ZNF879: variants seen among roughly 807,000 people sequenced by gnomAD.
The protein encoded by ZNF879 is zinc finger protein 879.
In ZNF879, 32 loss-of-function variants were observed where a neutral mutation model predicts 44.3. The observed-to-expected ratio is 0.72, with a 90% CI of 0.54 to 0.97. The LOEUF (loss-of-function observed/expected upper bound fraction) is 0.97. Among genes scored for constraint, ZNF879 ranks in the 50% least tolerant of loss-of-function variants. ZNF879 has a pLI of 0.00. For missense variants in ZNF879, 621 were observed against 669.7 expected, an observed-to-expected ratio of 0.93 and a Z score of 0.80; for synonymous variants, 234 against 233.2, an observed-to-expected ratio of 1.00 and a Z score of -0.03.
intron 4 of ZNF879, among the ~76,000 whole-genome samples, chr5:179,029,353 T>C (rs1383781961): frequency 6.6e-6 from 1 of 152,202 alleles, no homozygotes; most frequent in African/African-American, 2.4e-5. Flanking sequence ...CTCTTTGCTT[T>C]GAAGATTCAG....
Position 179,033,741 on chromosome 5 carries a change from G to A in ZNF879, c.*101G>A. 4.5e-6 allele frequency: 4 copies of A among 893,694 alleles called. No homozygotes were observed. Among genetic ancestry groups the A allele is most frequent in the Non-Finnish European group, 5.0e-6 (3 of 605,658 alleles). The allele number at this position is 893,694 out of a possible 1,614,324, so 55.4% of individuals were successfully genotyped here. On this transcript the variant is annotated 3_prime_UTR_variant, in exon 5 of 5. Coordinates refer to ENST00000444149, the MANE Select transcript of ZNF879 (RefSeq NM_001136116.3). The stretch of plus-strand genomic sequence containing the variant: ...AAGTGATGAAGAGTAGTTAATCATA[G>A]GTAAAACTTCAGCATTAGACCTCAT...
In ZNF879 at chr5:179,034,751, G is replaced by A. The variant is rs1403095140; in HGVS notation, c.*1111G>A. On this transcript the variant is annotated 3_prime_UTR_variant, in exon 5 of 5. Coordinates refer to ENST00000444149, the MANE Select transcript of ZNF879 (RefSeq NM_001136116.3). ...AGCATTTCTAAAATGTGAATCATAA[G>A]ATTAGCAAGCTAAAAACAGTTATCT... 1.3e-5 allele frequency: 2 copies of A among 152,160 alleles called. No homozygotes were observed. Among genetic ancestry groups the A allele is most frequent in the Admixed American group, 1.3e-4 (2 of 15,276 alleles). 9.4% of individuals were successfully genotyped at this position (152,160 alleles called of 1,614,324 possible).
chr5:179,024,925 T>C (rs1479005250), intron 1 of ZNF879, 45 bp from the exon 2 acceptor site: 7 of 1,465,914 alleles, frequency 4.8e-6, no homozygotes, highest in Non-Finnish European at 4.7e-6. Flanking sequence ...AGGGTGGGCA[T>C]GCAGGCTGGA....
intron 4 of ZNF879, among the ~76,000 whole-genome samples, chr5:179,030,305 G>A (rs189031162): frequency 4.6e-5 from 7 of 152,158 alleles, no homozygotes; most frequent in African/African-American, 1.7e-4. Context: ...AATTCCAAGT[G>A]TAGAAATGTT....
At chr5:179,030,413 G>A (rs1175210183) in intron 4 of ZNF879, among the ~76,000 whole-genome samples, 6 of 152,188 alleles carry the variant, frequency 3.9e-5, no homozygotes, top group African/African-American at 1.4e-4. Flanking sequence ...AAGGAGGAGG[G>A]TAAATGACTC....
At chr5:179,026,768 C>A (rs992302356) in intron 2 of ZNF879, among the ~76,000 whole-genome samples, 1 of 152,354 alleles carries the variant, frequency 6.6e-6, no homozygotes, top group East Asian at 1.9e-4. Context: ...GGATTATAGG[C>A]GTAAGCCACT....
chr5:179,031,185 A>G (rs989026109), intron 4 of ZNF879, among the ~76,000 whole-genome samples: 4 of 152,220 alleles, frequency 2.6e-5, no homozygotes, highest in Non-Finnish European at 5.9e-5. Context: ...TATAGCAACC[A>G]GAGTGATCCT....
rs115162208 is a variant in ZNF879 at position 179,029,951 on chromosome 5, C to A, written c.256+1824C>A. The stretch of plus-strand genomic sequence containing the variant: ...GGAAATTTTAGTTACCAGTTTTTCT[C>A]TGTTACTAATATTGCTAAGATGGTT... On this transcript the variant is annotated intron_variant, in intron 4 of 4. Coordinates refer to ENST00000444149, the MANE Select transcript of ZNF879 (RefSeq NM_001136116.3). Among the ~76,000 whole-genome samples, 676 of 152,230 alleles carry A rather than the reference C, an allele frequency of 4.4e-3. 4 individuals are homozygous for A. Among genetic ancestry groups the A allele is most frequent in the Middle Eastern group, 0.01 (3 of 294 alleles).
Position 179,025,045 on chromosome 5 carries a change from A to G in ZNF879, c.33+8A>G, listed in dbSNP as rs1247282955. ...CTGCCAGCCCATGTACAGGTGAGTG[A>G]AGGCTTCTTTTTGCTTGAACTGCCT... On this transcript the variant is annotated splice_region_variant and intron_variant, in intron 2 of 4. Coordinates refer to ENST00000444149, the MANE Select transcript of ZNF879 (RefSeq NM_001136116.3). 6.4e-7 allele frequency: 1 copy of G among 1,551,424 alleles called. No individual in the cohort carries two copies. Among genetic ancestry groups the G allele is most frequent in the Non-Finnish European group, 8.7e-7 (1 of 1,146,840 alleles).
chr5:179,030,978 T>C (rs1761401243), intron 4 of ZNF879, among the ~76,000 whole-genome samples: 2 of 152,130 alleles, frequency 1.3e-5, no homozygotes, highest in African/African-American at 4.8e-5. Flanking sequence ...GCCTCTGCGC[T>C]CTATTCGTAG....
At chr5:179,025,433 G>A (rs1364567121) in intron 2 of ZNF879, among the ~76,000 whole-genome samples, 1 of 151,936 alleles carries the variant, frequency 6.6e-6, no homozygotes, top group Non-Finnish European at 1.5e-5. Context: ...CAAGCAATCT[G>A]CCCGCCTCAG....
At chr5:179,030,748 TA>T (rs1761395136) in intron 4 of ZNF879, among the ~76,000 whole-genome samples, 1 of 152,148 alleles carries the variant, frequency 6.6e-6, no homozygotes. Context: ...GTTAAGAAAA[TA>T]AAAGCTGTTT....
chr5:179,031,537 C>T (rs1761419772), intron 4 of ZNF879, among the ~76,000 whole-genome samples: 1 of 152,196 alleles, frequency 6.6e-6, no homozygotes, highest in Admixed American at 6.5e-5. Context: ...GTTGCCTATT[C>T]ACTCTTATTA....
intron 4 of ZNF879, among the ~76,000 whole-genome samples, chr5:179,029,866 A>C (rs1332411423): frequency 3.9e-5 from 6 of 152,206 alleles, no homozygotes; most frequent in Non-Finnish European, 8.8e-5. Flanking sequence ...CAGTGAATAG[A>C]GGCCTACCTC....
In ZNF879 at chr5:179,032,312, A is replaced by G. The variant is rs1320839303; in HGVS notation, c.364A>G (p.Ile122Val). 8.4e-6 allele frequency: 13 copies of G among 1,550,834 alleles called. No individual in the cohort carries two copies. The Admixed American group carries it at 1.4e-4, about 16-fold the overall frequency. ...TGACTTCAAGTTGGAGAAGACCTAC[A>G]TAAATGAAGATAAGTTAGAGAAGCA... ...TFDFKLEKTY[I>V]NEDKLEKQQG... The change falls in exon 5 of 5, where the codon ATA becomes GTA. Residue 122 changes from isoleucine to valine, a missense_variant. Transcript: ENST00000444149.
rs955487040 is a variant in ZNF879, at chr5:179,033,496, G to A, written c.1548G>A (p.Val516=). Residue 516 remains valine, a synonymous_variant, in exon 5 of 5, where the codon GTG becomes GTA. Coordinates refer to ENST00000444149, the MANE Select transcript of ZNF879 (RefSeq NM_001136116.3). ...GAGAGAAACCATATAATTGTAAAGTGTGTGGGAAAGCCTTCAGACAGAGTT... is the reference window on the plus strand; with the variant it reads ...GAGAGAAACCATATAATTGTAAAGTATGTGGGAAAGCCTTCAGACAGAGTT... The part of the protein sequence containing the change: ...HTGEKPYNCK[V]CGKAFRQSSS... The A allele has an allele frequency of 6.4e-7, 1 of 1,560,892 alleles. No individual in the cohort carries two copies. Among genetic ancestry groups the A allele is most frequent in the Admixed American group, 1.9e-5 (1 of 51,882 alleles).
intron 4 of ZNF879, 40 bp downstream of exon 4, chr5:179,028,167 C>T: frequency 3.3e-6 from 5 of 1,531,550 alleles, no homozygotes; most frequent in Non-Finnish European, 3.5e-6. Flanking sequence ...ATAACATTTT[C>T]CCACTGCCAG....
chr5:179,032,420 G>T lies in ZNF879; in HGVS notation c.472G>T (p.Val158Phe), dbSNP rs1159409267. The T allele has an allele frequency of 6.4e-7, 1 of 1,551,556 alleles. No individual in the cohort carries two copies. Among genetic ancestry groups the T allele is most frequent in the South Asian group, 1.2e-5 (1 of 84,034 alleles). The part of the protein sequence containing the change: ...VYMKERSFKG[V>F]EFGKNLGLKS... The stretch of plus-strand genomic sequence containing the variant: ...CATGAAGGAGAGGAGCTTTAAAGGT[G>T]TTGAATTTGGGAAAAATCTTGGTCT... The change falls in exon 5 of 5, where the codon GTT (valine) becomes TTT (phenylalanine). Residue 158 changes from valine to phenylalanine, a missense_variant. Coordinates refer to ENST00000444149, the MANE Select transcript of ZNF879 (RefSeq NM_001136116.3).
chr5:179,025,420 C>G (rs1337248606), intron 2 of ZNF879, among the ~76,000 whole-genome samples: 1 of 151,992 alleles, frequency 6.6e-6, no homozygotes, highest in Non-Finnish European at 1.5e-5. Context: ...GAACTCCTGA[C>G]CTCAAGCAAT....
Sources: gnomAD v4.1 joint callset for allele counts (sites outside exome capture counted in the v4.1 genomes callset) on GRCh38, gnomAD v4.1.1 for gene constraint, MANE v1.5 for transcripts, NCBI Gene and HGNC (gene_info 2026-07-23, HGNC 2026-07-21) for gene names.